Variants in CD244 observed in about 807,000 individuals in gnomAD.
CD244 encodes the protein natural killer cell receptor 2B4.
In CD244, 20 loss-of-function variants were observed where a neutral mutation model predicts 45.5. The ratio of observed to expected loss-of-function variants is 0.44; its 90% confidence interval spans 0.31 to 0.64. CD244 has a LOEUF of 0.64. Among genes scored for constraint, CD244 ranks in the 30% least tolerant of loss-of-function variants. CD244 has a pLI of 0.08. For missense variants in CD244, 407 were observed against 426.9 expected, an observed-to-expected ratio of 0.95 and a Z score of 0.41; for synonymous variants, 185 against 160.5, an observed-to-expected ratio of 1.15 and a Z score of -1.15.
intron 7 of CD244, 24 bp from the exon 8 acceptor site, chr1:160,832,599 T>C (rs1669164928): frequency 6.2e-7 from 1 of 1,611,646 alleles, no homozygotes; most frequent in African/African-American, 1.3e-5. Flanking sequence ...AGGTAAAGAA[T>C]ACTTAACTTC....
At chr1:160,850,384 T>A (rs938250654) in intron 1 of CD244, among the ~76,000 whole-genome samples, 1 of 152,208 alleles carries the variant, frequency 6.6e-6, no homozygotes, top group Non-Finnish European at 1.5e-5. Flanking sequence ...ATTGCTAAGA[T>A]GTCAATTCTT....
At chr1:160,853,083 T>C (rs980443232) in intron 1 of CD244, among the ~76,000 whole-genome samples, 1 of 152,200 alleles carries the variant, frequency 6.6e-6, no homozygotes, top group Admixed American at 6.5e-5. Context: ...GTGTTAATAA[T>C]GGCTTTAGTC....
intron 1 of CD244, among the ~76,000 whole-genome samples, chr1:160,846,139 C>G (rs1474339990): frequency 6.6e-6 from 1 of 151,802 alleles, no homozygotes; most frequent in Non-Finnish European, 1.5e-5. Flanking sequence ...ATTTGTGAGT[C>G]GGTGCACCCA....
At chr1:160,831,673 T>A (rs1171711658) in intron 8 of CD244, among the ~76,000 whole-genome samples, 1 of 152,216 alleles carries the variant, frequency 6.6e-6, no homozygotes, top group Non-Finnish European at 1.5e-5. Flanking sequence ...GCTACCTGGG[T>A]CTACACAGTG....
At chr1:160,845,456 G>A (rs1203593090) in intron 1 of CD244, among the ~76,000 whole-genome samples, 1 of 152,062 alleles carries the variant, frequency 6.6e-6, no homozygotes, top group Non-Finnish European at 1.5e-5. Context: ...GACGAGAGAG[G>A]AAAGAGGAAC....
intron 7 of CD244, among the ~76,000 whole-genome samples, chr1:160,833,205 G>A (rs1669199716): frequency 1.3e-5 from 2 of 152,114 alleles, no homozygotes; most frequent in South Asian, 2.1e-4. Flanking sequence ...TTATATTGTA[G>A]CATATAATTA....
At position 160,841,279 on chromosome 1, in the gene CD244, C is replaced by T; in HGVS notation, c.586G>A (p.Val196Ile). Residue 196 changes from valine to isoleucine, a missense_variant, in exon 3 of 9, where the codon GTC (valine) becomes ATC (isoleucine). Transcript: ENST00000368034. ...CTTTCCCAGCTAACAGGATTGCTGA[C>T]ATTGCAGGTATATGTGTGAGTGCCA... ...INGTHTYTCN[V>I]SNPVSWESHT... is the part of the protein sequence containing the mutation. 5 of 1,614,202 alleles carry T rather than the reference C, an allele frequency of 3.1e-6. No homozygotes were observed. Among genetic ancestry groups the T allele is most frequent in the Non-Finnish European group, 4.2e-6 (5 of 1,180,010 alleles).
chr1:160,838,395 T>C, intron 5 of CD244, 56 bp downstream of exon 5: 1 of 1,267,256 alleles, frequency 7.9e-7, no homozygotes, highest in Non-Finnish European at 1.2e-6. Context: ...TAACCATCAT[T>C]GAAAGAGCAT....
At chr1:160,839,188 G>A (rs1669447809) in intron 3 of CD244, 139 bp from the exon 4 acceptor site, 2 of 613,188 alleles carry the variant, frequency 3.3e-6, no homozygotes, top group Non-Finnish European at 5.8e-6. Context: ...AGAACTCACG[G>A]TCAAGGTTTT....
At chr1:160,861,010 G>A (rs1434723068) in intron 1 of CD244, among the ~76,000 whole-genome samples, 1 of 152,156 alleles carries the variant, frequency 6.6e-6, no homozygotes, top group African/African-American at 2.4e-5. Context: ...CCTGGGAATG[G>A]GGGTGGAGGG....
intron 1 of CD244, among the ~76,000 whole-genome samples, chr1:160,858,764 C>T (rs1204564591): frequency 6.6e-6 from 1 of 152,158 alleles, no homozygotes; most frequent in Non-Finnish European, 1.5e-5. Flanking sequence ...ACAAACGGGC[C>T]CTGGACTTAC....
At chr1:160,845,856 CA>C (rs61093310) in intron 1 of CD244, among the ~76,000 whole-genome samples, 7,346 of 105,510 alleles carry the variant, frequency 0.07, 467 homozygotes, top group African/African-American at 0.2. Context: ...AACTCTGTCT[CA>C]AAAAAAAAAA....
chr1:160,862,621 G>A lies in CD244; in HGVS notation c.57C>T (p.Gly19=), dbSNP rs982621630. The change falls in exon 1 of 9, where the codon GGC becomes GGT. Residue 19 remains glycine (G), a synonymous_variant. Transcript: ENST00000368034. ...CGCCAGGTAGGACCTCCTTACCTTT[G>A]CCCTGATACACCTTGAGGAGCAGGA... is the stretch of plus-strand genomic sequence containing the variant. ...ILLLLLKVYQ[G]KGCQGSADHV... is the part of the protein sequence containing the mutation. 6.2e-7 allele frequency: 1 copy of A among 1,613,742 alleles called. No individual in the cohort carries two copies.
intron 1 of CD244, among the ~76,000 whole-genome samples, chr1:160,861,198 A>G (rs1010123833): frequency 6.6e-6 from 1 of 152,138 alleles, no homozygotes; most frequent in Non-Finnish European, 1.5e-5. Context: ...ATCCTGGGCC[A>G]CTAGGCCCCC....
intron 5 of CD244, among the ~76,000 whole-genome samples, chr1:160,837,175 G>A (rs1669363258): frequency 6.6e-6 from 1 of 151,852 alleles, no homozygotes; most frequent in Admixed American, 6.5e-5. Flanking sequence ...GAGGGCTGAG[G>A]CCAGGCAGGG....
Position 160,847,174 on chromosome 1 carries a change from T to A in CD244, c.62-5273A>T, listed in dbSNP as rs189382194. ...GTAGGAATAAACAATCATCTTCAGT[T>A]TCTATGCATATAACAAGTTTAAAAT... is the stretch of plus-strand genomic sequence containing the variant. On this transcript the variant is annotated intron_variant, in intron 1 of 8. Coordinates refer to ENST00000368034, the MANE Select transcript of CD244 (RefSeq NM_016382.4). 3.0e-3 allele frequency among the ~76,000 whole-genome samples: 461 copies of A among 152,234 alleles called. 1 individual carries two copies. Among genetic ancestry groups the A allele is most frequent in the Middle Eastern group, 0.014 (4 of 294 alleles).
intron 1 of CD244, among the ~76,000 whole-genome samples, chr1:160,851,358 G>A (rs185854004): frequency 2.0e-5 from 3 of 152,192 alleles, no homozygotes; most frequent in Admixed American, 6.5e-5. Context: ...ACATCACTTC[G>A]GAATTTCTAA....
intron 3 of CD244, among the ~76,000 whole-genome samples, chr1:160,840,169 A>G (rs1571095744): frequency 6.6e-6 from 1 of 151,060 alleles, no homozygotes. Context: ...GGATTACACC[A>G]TATTGTCCAG....
intron 1 of CD244, among the ~76,000 whole-genome samples, chr1:160,856,804 C>G (rs1416405339): frequency 1.3e-5 from 2 of 151,156 alleles, no homozygotes; most frequent in African/African-American, 4.9e-5. Context: ...GCAACAGAAG[C>G]AAAATAAACA....
Sources: gnomAD v4.1 joint callset for allele counts (sites outside exome capture counted in the v4.1 genomes callset) on GRCh38, gnomAD v4.1.1 for gene constraint, MANE v1.5 for transcripts, NCBI Gene and HGNC (gene_info 2026-07-23, HGNC 2026-07-21) for gene names.